TMCO6: variants seen among roughly 807,000 people sequenced by gnomAD.
The protein encoded by TMCO6 is transmembrane and coiled-coil domain-containing protein 6.
Under a neutral mutation model 61.8 loss-of-function variants are expected in TMCO6, and 47 were observed. That is an observed-to-expected ratio of 0.76 (90% CI 0.60 to 0.97). The LOEUF is 0.97. TMCO6 is among the 50% of genes least tolerant of loss of function. The probability of loss-of-function intolerance (pLI) is 0.00; values close to 1 mark genes in which losing one functional copy is unlikely to be tolerated. For missense variants in TMCO6, 557 were observed against 601.6 expected, an observed-to-expected ratio of 0.93 and a Z score of 0.78; for synonymous variants, 261 against 254.2, an observed-to-expected ratio of 1.03 and a Z score of -0.25.
chr5:140,629,446 T>G, the TMCO6 span, among the ~76,000 whole-genome samples: 1 of 152,250 alleles, frequency 6.6e-6, no homozygotes. Context: ...GTTGTTATAC[T>G]ATATTGTTTA....
downstream of TMCO6, chr5:140,647,449 C>G (rs775860662): frequency 6.2e-7 from 1 of 1,606,382 alleles, no homozygotes; most frequent in Non-Finnish European, 8.5e-7. Context: ...CCTGGCGTCC[C>G]GAAGCCCGCC....
At chr5:140,610,186 TAAAA>T in the TMCO6 span, among the ~76,000 whole-genome samples, 4 of 70,744 alleles carry the variant, frequency 5.7e-5, no homozygotes, top group African/African-American at 2.2e-4. Context: ...CCATTTCTAC[TAAAA>T]AAAAAAAAAA....
Position 140,644,634 on chromosome 5 carries a change from C to T in TMCO6, c.1262C>T (p.Pro421Leu). 6.2e-7 allele frequency: 1 copy of T among 1,614,244 alleles called. No homozygotes were observed. The highest frequency in any genetic ancestry group is 8.5e-7 in the Non-Finnish European group (1 of 1,180,042). The stretch of plus-strand genomic sequence containing the variant: ...CCTGCTTACTGCCAGCGGCTGTGGC[C>T]AGGGCCCCTGCTTCCCGCCTTGCTG... ...KGPAYCQRLW[P>L]GPLLPALLHT... The change falls in exon 11 of 12, where the codon CCA (proline) becomes CTA (leucine). Residue 421 changes from proline to leucine, a missense_variant. Transcript: ENST00000394671.
At chr5:140,604,988 C>T in the TMCO6 span, among the ~76,000 whole-genome samples, 9 of 152,052 alleles carry the variant, frequency 5.9e-5, no homozygotes, top group Admixed American at 3.3e-4. Flanking sequence ...GATGTCTTTC[C>T]ATTTATTTAG....
chr5:140,605,224 T>A, the TMCO6 span, among the ~76,000 whole-genome samples: 1 of 152,230 alleles, frequency 6.6e-6, no homozygotes, highest in Non-Finnish European at 1.5e-5. Context: ...CCCCAATAGT[T>A]TTTTTGTGAA....
Position 140,643,871 on chromosome 5 carries a change from G to A in TMCO6, c.1010G>A (p.Arg337His), listed in dbSNP as rs368360736. The A allele has an allele frequency of 3.3e-5, 54 of 1,614,092 alleles. No homozygotes were observed. Among genetic ancestry groups the A allele is most frequent in the East Asian group, 6.7e-5 (3 of 44,900 alleles). Residue 337 changes from arginine (R) to histidine (H), a missense_variant, in exon 9 of 12, where the codon CGT becomes CAT. Transcript: ENST00000394671. ...VGGQMQLRDERVVAALFILLQ... is the reference protein window; with the variant it reads ...VGGQMQLRDEHVVAALFILLQ... ...GGGCAAATGCAGCTCAGAGATGAGCGTGTTGTGGCAGCCTTATTTATCCTT... is the reference window on the plus strand; with the variant it reads ...GGGCAAATGCAGCTCAGAGATGAGCATGTTGTGGCAGCCTTATTTATCCTT...
At chr5:140,619,599 A>C in the TMCO6 span, among the ~76,000 whole-genome samples, 1 of 152,062 alleles carries the variant, frequency 6.6e-6, no homozygotes, top group African/African-American at 2.4e-5. Context: ...TCTCCCTCCC[A>C]AATAAGCACA....
At chr5:140,624,521 C>A in the TMCO6 span, among the ~76,000 whole-genome samples, 4 of 152,250 alleles carry the variant, frequency 2.6e-5, no homozygotes, top group East Asian at 7.7e-4. Context: ...TTCCCCTTGA[C>A]CACCCCACTT....
At chr5:140,631,773 T>A in the TMCO6 span, 8 of 1,305,744 alleles carry the variant, frequency 6.1e-6, no homozygotes, top group Non-Finnish European at 8.5e-6. Flanking sequence ...AAGGGTTGAA[T>A]TGGTCGAAAA....
At chr5:140,626,887 A>G in the TMCO6 span, among the ~76,000 whole-genome samples, 2 of 152,236 alleles carry the variant, frequency 1.3e-5, no homozygotes, top group African/African-American at 4.8e-5. Flanking sequence ...CAGTGCTCTA[A>G]GAAAACTCTA....
chr5:140,641,817 G>T (rs764621028), intron 3 of TMCO6, 37 bp downstream of exon 3: 4 of 1,614,076 alleles, frequency 2.5e-6, no homozygotes. Context: ...AGGAGTTGGG[G>T]CTCTGAGGGA....
chr5:140,641,599 CAG>C (rs1236859402), intron 2 of TMCO6, 64 bp from the exon 3 acceptor site: 2 of 1,387,348 alleles, frequency 1.4e-6, no homozygotes, highest in Non-Finnish European at 2.0e-6. Context: ...GTGAAGTGGG[CAG>C]AGAGAGACTT....
chr5:140,620,205 G>T, the TMCO6 span, among the ~76,000 whole-genome samples: 5 of 152,042 alleles, frequency 3.3e-5, no homozygotes, highest in Non-Finnish European at 7.4e-5. Context: ...AAAAACAAAT[G>T]AACTATCAAG....
the TMCO6 span, among the ~76,000 whole-genome samples, chr5:140,603,662 T>C: frequency 7.7e-6 from 1 of 130,346 alleles, no homozygotes; most frequent in Non-Finnish European, 1.7e-5. Context: ...AGTTGTGGCA[T>C]GTATCAATAT....
chr5:140,600,469 G>T, the TMCO6 span, among the ~76,000 whole-genome samples: 215 of 138,370 alleles, frequency 1.6e-3, no homozygotes, highest in Middle Eastern at 0.011. Context: ...AATTTGTTTT[G>T]TTTTTTTTTT....
At chr5:140,612,372 C>G in the TMCO6 span, among the ~76,000 whole-genome samples, 1 of 143,650 alleles carries the variant, frequency 7.0e-6, no homozygotes, top group Non-Finnish European at 1.5e-5. Flanking sequence ...CGGAGTCTCG[C>G]TCTTTCACCC....
chr5:140,598,831 G>A, the TMCO6 span, among the ~76,000 whole-genome samples: 4 of 152,216 alleles, frequency 2.6e-5, no homozygotes, highest in Non-Finnish European at 5.9e-5. Context: ...AGCTACTCGG[G>A]AGGCTGAGAC....
At chr5:140,614,639 G>A in the TMCO6 span, among the ~76,000 whole-genome samples, 1 of 151,292 alleles carries the variant, frequency 6.6e-6, no homozygotes, top group Non-Finnish European at 1.5e-5. Flanking sequence ...TCGAGACAGA[G>A]TCTCGCTCTG....
chr5:140,647,667 CA>C, downstream of TMCO6: 1 of 1,505,092 alleles, frequency 6.6e-7, no homozygotes, highest in Non-Finnish European at 9.1e-7. Context: ...AAGCCTAGCC[CA>C]TAGGCTGCAT....
Sources: gnomAD v4.1 joint callset for allele counts (sites outside exome capture counted in the v4.1 genomes callset) on GRCh38, gnomAD v4.1.1 for gene constraint, MANE v1.5 for transcripts, NCBI Gene and HGNC (gene_info 2026-07-23, HGNC 2026-07-21) for gene names.